The following WDR17 variants were observed in gnomAD, a reference collection of about 807,000 sequenced individuals.
WDR17 encodes the protein WD repeat domain 17, also known as WD repeat-containing protein 17.
WDR17 carries 143 observed loss-of-function variants against 161.7 expected under a neutral mutation model. The observed-to-expected ratio is 0.88, with a 90% CI of 0.77 to 1.02. The LOEUF (loss-of-function observed/expected upper bound fraction) is 1.02. Ranked by LOEUF, WDR17 falls within the 50% of genes least tolerant of loss-of-function variation. The pLI, the probability that WDR17 is intolerant of heterozygous loss-of-function variation, is 0.00. For missense variants in WDR17, 1,469 were observed against 1,520.9 expected, an observed-to-expected ratio of 0.97 and a Z score of 0.57; for synonymous variants, 517 against 515.6, an observed-to-expected ratio of 1.00 and a Z score of -0.04.
chr4:176,126,416 G>A (rs548818791), intron 5 of WDR17, among the ~76,000 whole-genome samples: 28 of 152,230 alleles, frequency 1.8e-4, no homozygotes, highest in African/African-American at 3.6e-4. Flanking sequence ...TTTGCTTAGC[G>A]TAAAATAATA....
chr4:176,163,512 C>A (rs955162940), intron 22 of WDR17, among the ~76,000 whole-genome samples: 37 of 151,990 alleles, frequency 2.4e-4, no homozygotes, highest in Admixed American at 1.8e-3. Context: ...CTGAAGTAGC[C>A]CAGTTGTAAT....
Position 176,182,421 on chromosome 4 carries a change from A to G in WDR17, c.*2842A>G, listed in dbSNP as rs1363806437. Reference sequence around the variant, plus strand: ...TGTGTGTGTGTATATATATATATATATATATATATTTCTATGAAATTGTCC... The same window carrying G: ...TGTGTGTGTGTATATATATATATATGTATATATATTTCTATGAAATTGTCC... On this transcript the variant is annotated 3_prime_UTR_variant, in exon 29 of 29. Coordinates refer to ENST00000508596, the MANE Select transcript of WDR17 (RefSeq NM_181265.4). This position sits in a 1 kb window ranked among gnomAD's most constrained non-coding sequence, Gnocchi z 4.2. The G allele has an allele frequency of 6.6e-6, 1 of 151,136 alleles. No individual in the cohort carries two copies. The highest frequency in any genetic ancestry group is 6.6e-5 in the Admixed American group (1 of 15,144). The allele number at this position is 151,136 out of a possible 1,614,324, so 9.4% of individuals were successfully genotyped here.
chr4:176,078,616 G>T (rs1190071030), intron 1 of WDR17, among the ~76,000 whole-genome samples: 2 of 152,070 alleles, frequency 1.3e-5, no homozygotes, highest in African/African-American at 2.4e-5. Context: ...CTTGAAACTT[G>T]TGGGAACGAA....
At chr4:176,104,561 A>T (rs959785006) in intron 1 of WDR17, among the ~76,000 whole-genome samples, 1 of 152,078 alleles carries the variant, frequency 6.6e-6, no homozygotes. Flanking sequence ...CACACAATAT[A>T]TAAAGATGTA....
intron 11 of WDR17, among the ~76,000 whole-genome samples, chr4:176,144,440 T>C (rs1384016504): frequency 6.6e-6 from 1 of 152,142 alleles, no homozygotes; most frequent in Non-Finnish European, 1.5e-5. Context: ...AAAAAGGAGA[T>C]GTTCAATAAA....
chr4:176,175,765 T>G (rs1320774760), intron 26 of WDR17, among the ~76,000 whole-genome samples: 2 of 152,102 alleles, frequency 1.3e-5, no homozygotes, highest in African/African-American at 4.8e-5. Flanking sequence ...TTCACCATGT[T>G]AGCCAGGATG....
At chr4:176,113,763 C>G (rs917645603) in intron 2 of WDR17, among the ~76,000 whole-genome samples, 1 of 151,864 alleles carries the variant, frequency 6.6e-6, no homozygotes, top group Non-Finnish European at 1.5e-5. Flanking sequence ...GATAATCGGT[C>G]ACACTCTGGA....
intron 4 of WDR17, among the ~76,000 whole-genome samples, chr4:176,123,448 G>T (rs1301618773): frequency 6.6e-6 from 1 of 152,162 alleles, no homozygotes; most frequent in Admixed American, 6.5e-5. Flanking sequence ...CTCTTCTGAT[G>T]ACAGTTGTTA....
At chr4:176,152,431 C>A (rs13103209) in intron 17 of WDR17, among the ~76,000 whole-genome samples, 23 of 151,290 alleles carry the variant, frequency 1.5e-4, no homozygotes, top group African/African-American at 5.3e-4. Context: ...CTTGTCTCTG[C>A]TAAAATACAG....
intron 1 of WDR17, among the ~76,000 whole-genome samples, chr4:176,091,618 A>G (rs995060823): frequency 6.6e-6 from 1 of 152,166 alleles, no homozygotes; most frequent in Non-Finnish European, 1.5e-5. Flanking sequence ...ACCCAGAATT[A>G]GTAGAAGAAG....
At chr4:176,133,129 T>A (rs1390920010) in intron 7 of WDR17, among the ~76,000 whole-genome samples, 1 of 149,432 alleles carries the variant, frequency 6.7e-6, no homozygotes, top group Non-Finnish European at 1.5e-5. Context: ...GAATCACACA[T>A]GCCCCAAGTG....
chr4:176,118,818 G>A (rs1346052526), intron 3 of WDR17, among the ~76,000 whole-genome samples: 8 of 151,526 alleles, frequency 5.3e-5, no homozygotes, highest in Admixed American at 3.3e-4. Context: ...AAAATTAACC[G>A]GGCATGGTGG....
At chr4:176,075,360 T>A (rs1424942913) in intron 1 of WDR17, among the ~76,000 whole-genome samples, 1 of 152,124 alleles carries the variant, frequency 6.6e-6, no homozygotes, top group Admixed American at 6.5e-5. Context: ...ATTTACCATA[T>A]CTTTGTTTTC....
intron 4 of WDR17, among the ~76,000 whole-genome samples, chr4:176,121,792 AG>A (rs1347138742): frequency 6.6e-6 from 1 of 152,212 alleles, no homozygotes; most frequent in Non-Finnish European, 1.5e-5. Flanking sequence ...ATAACAGAAA[AG>A]AAAAAAGACT....
chr4:176,170,450 G>T (rs1034042047), intron 23 of WDR17, among the ~76,000 whole-genome samples: 1 of 151,672 alleles, frequency 6.6e-6, no homozygotes, highest in Non-Finnish European at 1.5e-5. Context: ...CAAGTAGCTG[G>T]GATTACAGGC....
At position 176,149,821 on chromosome 4, in the gene WDR17, C is replaced by T. The variant is rs2126812453; in HGVS notation, c.1912C>T (p.Pro638Ser). The stretch of plus-strand genomic sequence containing the variant: ...ATTTTCATCAGGTTTAACCTGCCAT[C>T]CCAGTCGCCCCTTCACTATGGCCTC... ...GADVYGLTCH[P>S]SRPFTMASCS... The change falls in exon 14 of 29, where the codon CCC (proline) becomes TCC (serine). Residue 638 changes from proline to serine, a missense_variant. By Grantham distance (74) the Pro-to-Ser change is moderately conservative. Transcript: ENST00000508596. 6.2e-7 allele frequency: 1 copy of T among 1,612,672 alleles called. No homozygotes were observed. The highest frequency in any genetic ancestry group is 2.2e-5 in the East Asian group (1 of 44,862).
intron 2 of WDR17, among the ~76,000 whole-genome samples, chr4:176,114,771 A>G (rs1740327210): frequency 6.6e-6 from 1 of 151,902 alleles, no homozygotes; most frequent in Admixed American, 6.6e-5. Flanking sequence ...GAATTAAGAT[A>G]GCATGGTCCG....
intron 1 of WDR17, among the ~76,000 whole-genome samples, chr4:176,087,824 T>C (rs1054346860): frequency 6.6e-6 from 1 of 151,926 alleles, no homozygotes; most frequent in Admixed American, 6.6e-5. Context: ...TAGAGTGTAA[T>C]ATTCATTTTA....
At chr4:176,130,491 T>A (rs1245254971) in intron 6 of WDR17, among the ~76,000 whole-genome samples, 1 of 152,146 alleles carries the variant, frequency 6.6e-6, no homozygotes, top group Admixed American at 6.5e-5. Flanking sequence ...ATGCCTGTAA[T>A]CCCAGCACTT....
Sources: allele counts gnomAD v4.1 joint callset (sites outside exome capture counted in the v4.1 genomes callset), GRCh38; gene constraint gnomAD v4.1.1; non-coding constraint Gnocchi (gnomAD v3.1); transcripts MANE v1.5; gene names NCBI Gene and HGNC (gene_info 2026-07-23, HGNC 2026-07-21).